The following ZSCAN18 variants were observed in gnomAD, a reference collection of about 807,000 sequenced individuals.
The protein encoded by ZSCAN18 is zinc finger and SCAN domain-containing protein 18.
Under a neutral mutation model 31.1 loss-of-function variants are expected in ZSCAN18, and 16 were observed. The observed-to-expected ratio is 0.51, with a 90% confidence interval of 0.35 to 0.78. The LOEUF (loss-of-function observed/expected upper bound fraction) is 0.78, where lower values mean the gene tolerates loss of function less well. ZSCAN18 is among the 30% of genes least tolerant of loss of function. The pLI is 0.01. For missense variants in ZSCAN18, 731 were observed against 697.4 expected (o/e 1.05, Z -0.54); for synonymous variants, 375 against 320.7 (o/e 1.17, Z -1.81).
chr19:58,107,816 A>T (rs2074647342), intron 1 of ZSCAN18: 2 of 998,388 alleles, frequency 2.0e-6, no homozygotes, highest in Non-Finnish European at 2.4e-6. Context: ...TACTTGGGAA[A>T]ACTTTCCCAC....
chr19:58,118,230 C>A, intron 1 of ZSCAN18: 1 of 1,100,900 alleles, frequency 9.1e-7, no homozygotes, highest in Non-Finnish European at 1.2e-6. Flanking sequence ...ACGCAGCCAC[C>A]GCCCAGCCCC....
At chr19:58,092,761 G>C (rs2074439998) in intron 1 of ZSCAN18, 7 of 954,216 alleles carry the variant, frequency 7.3e-6, no homozygotes, top group Non-Finnish European at 7.5e-6. Flanking sequence ...CCACCACCAC[G>C]ATACCTCTAC....
intron 1 of ZSCAN18, among the ~76,000 whole-genome samples, chr19:58,094,419 A>ATG (rs57642855): frequency 2.0e-5 from 3 of 151,200 alleles, no homozygotes; most frequent in Non-Finnish European, 4.4e-5. Flanking sequence ...TCAAAAAAAA[A>ATG]AAAAAGAAAT....
At chr19:58,098,043 C>T (rs564150042) in intron 1 of ZSCAN18, 131 bp downstream of exon 1, 2 of 985,462 alleles carry the variant, frequency 2.0e-6, no homozygotes, top group South Asian at 4.7e-5. Context: ...GGACGCACAG[C>T]GGGGGCTCGC....
At chr19:58,095,353 G>A (rs1335879292) in intron 1 of ZSCAN18, among the ~76,000 whole-genome samples, 1 of 152,178 alleles carries the variant, frequency 6.6e-6, no homozygotes, top group Admixed American at 6.5e-5. Context: ...ATCCCAGAGG[G>A]GTAGGAACCA....
chr19:58,113,871 G>A (rs778727400), intron 1 of ZSCAN18, among the ~76,000 whole-genome samples: 3 of 152,080 alleles, frequency 2.0e-5, no homozygotes, highest in Admixed American at 6.6e-5. Flanking sequence ...CCAGCTACTC[G>A]GGAGGCTGAG....
At chr19:58,087,465 G>T in intron 3 of ZSCAN18, 61 bp from the exon 4 acceptor site, 1 of 1,486,496 alleles carries the variant, frequency 6.7e-7, no homozygotes. Context: ...TGCCCTCAAG[G>T]GTCAAGGAGC....
chr19:58,091,829 G>A (rs986506054), intron 1 of ZSCAN18, among the ~76,000 whole-genome samples: 1 of 152,148 alleles, frequency 6.6e-6, no homozygotes, highest in Non-Finnish European at 1.5e-5. Context: ...GGAACCGCCT[G>A]GGTCTGAAGG....
intron 6 of ZSCAN18, 162 bp downstream of exon 6, chr19:58,086,012 G>A (rs1277417592): frequency 1.4e-5 from 9 of 635,054 alleles, no homozygotes; most frequent in Non-Finnish European, 2.3e-5. Flanking sequence ...GACCATGGAC[G>A]TAACTGGATT....
At chr19:58,088,020 A>AC (rs1479518156) in intron 3 of ZSCAN18, 1 of 153,398 alleles carries the variant, frequency 6.5e-6, no homozygotes, top group African/African-American at 2.4e-5. Flanking sequence ...CTGGTAATGA[A>AC]CAGCCACAAA....
In ZSCAN18 at chr19:58,085,478, C is replaced by G. The variant is rs563209966; in HGVS notation, c.839-99G>C. The stretch of plus-strand genomic sequence containing the variant: ...GCTGCCGGAACAGCGCACAGGGCTC[C>G]GGGCTCTGGATCCCCGCGGGGCTCA... On this transcript the variant is annotated intron_variant, in intron 6 of 6. Coordinates refer to ENST00000601144, the MANE Select transcript of ZSCAN18 (RefSeq NM_001145543.2). 9 of 1,119,158 alleles carry G rather than the reference C, an allele frequency of 8.0e-6. No individual in the cohort carries two copies. In the Admixed American group the frequency reaches 2.3e-4, roughly 29 times the overall value. 69.3% of individuals were successfully genotyped at this position (1,119,158 alleles called of 1,614,324 possible). A position where few individuals can be genotyped will look rare whatever the true frequency, so the allele number is the denominator to read the frequency against.
Position 58,113,717 on chromosome 19 carries a change from G to A in ZSCAN18, c.130+4550C>T, listed in dbSNP as rs377671581. On this transcript the variant is annotated intron_variant, in intron 1 of 1. Coordinates refer to the ZSCAN18 transcript ENST00000595721. ...ATAATGGCTGGACGCAGTGGCTCAC[G>A]ACTATAATCCCAGGACTTTGGAAGG... Among the ~76,000 whole-genome samples the A allele has an allele frequency of 1.4e-4, 22 of 152,246 alleles. No homozygotes were observed. The East Asian group carries it at 2.7e-3, about 19-fold the overall frequency.
chr19:58,090,115 A>C lies in ZSCAN18; in HGVS notation c.153T>G (p.Arg51=), dbSNP rs771595694. The C allele has an allele frequency of 3.7e-6, 6 of 1,613,658 alleles. No individual in the cohort carries two copies. The highest frequency in any genetic ancestry group is 4.2e-6 in the Non-Finnish European group (5 of 1,179,880). Residue 51 remains arginine, a synonymous_variant, in exon 2 of 7, where the codon CGT becomes CGG. Coordinates refer to ENST00000601144, the MANE Select transcript of ZSCAN18 (RefSeq NM_001145543.2). The surrounding 1 kb of genome is among the most constrained non-coding windows in gnomAD (Gnocchi z 4.7). Reference sequence around the variant, plus strand: ...CCTCCTGGTAGACAAATTCCCGGAAACGCAGGCGGGAGAACTCCAGGTCAG... The same window carrying C: ...CCTCCTGGTAGACAAATTCCCGGAACCGCAGGCGGGAGAACTCCAGGTCAG... ...TPADLEFSRL[R]FREFVYQEAA...
In ZSCAN18 at chr19:58,106,421, G is replaced by GTTTTTTTTGGTTTTTTTTT. The variant is rs368006741; in HGVS notation, c.130+11845_130+11846insAAAAAAAAACCAAAAAAAA. ...TGTCTCAAAAGAAAAAAAGACATCTGGCTGGGCGCGGTGGCTCACGCCTGT... is the reference window on the plus strand; with the variant it reads ...TGTCTCAAAAGAAAAAAAGACATCTGTTTTTTTTGGTTTTTTTTTGCTGGGCGCGGTGGCTCACGCCTGT... On this transcript the variant is annotated intron_variant, in intron 1 of 1. Coordinates refer to the ZSCAN18 transcript ENST00000595721. Among the ~76,000 whole-genome samples, 24 of 60,214 alleles carry GTTTTTTTTGGTTTTTTTTT rather than the reference G, an allele frequency of 4.0e-4. 1 individual carries two copies. The highest frequency in any genetic ancestry group is 5.8e-4 in the East Asian group (2 of 3,446). 39.5% of individuals were successfully genotyped at this position (60,214 alleles called of 152,430 possible). A position where few individuals can be genotyped will look rare whatever the true frequency, so the allele number is the denominator to read the frequency against.
intron 1 of ZSCAN18, among the ~76,000 whole-genome samples, chr19:58,113,592 A>G (rs2074705673): frequency 6.6e-6 from 1 of 152,146 alleles, no homozygotes; most frequent in African/African-American, 2.4e-5. Flanking sequence ...TGCTTGACCC[A>G]GTTTCCAGCT....
At chr19:58,107,788 T>C in intron 1 of ZSCAN18, 1 of 992,534 alleles carries the variant, frequency 1.0e-6, no homozygotes, top group Non-Finnish European at 1.2e-6. Context: ...CAACTCTGGT[T>C]TCTAGCGAGA....
Position 58,086,745 on chromosome 19 carries a change from G to T in ZSCAN18, c.745+161C>A, listed in dbSNP as rs1599952779. ...TCAGATGTTTAGATCAGAAAGGGTG[G>T]GGGCTTCAGCGAATAAATTCAAGCT... is the stretch of plus-strand genomic sequence containing the variant. On this transcript the variant is annotated intron_variant, in intron 5 of 6. Transcript: ENST00000601144. The T allele has an allele frequency of 6.7e-6, 4 of 593,652 alleles. No individual in the cohort carries two copies. The South Asian group carries it at 8.3e-5, about 12-fold the overall frequency. 36.8% of individuals were successfully genotyped at this position (593,652 alleles called of 1,614,324 possible). A position where few individuals can be genotyped will look rare whatever the true frequency, so the allele number is the denominator to read the frequency against.
At chr19:58,086,777 C>T in intron 5 of ZSCAN18, 129 bp downstream of exon 5, 8 of 652,652 alleles carry the variant, frequency 1.2e-5, no homozygotes, top group Admixed American at 2.9e-5. Context: ...AGCTCCAACA[C>T]GTGCAAGTTC....
At chr19:58,097,373 G>C (rs1333155252) in intron 1 of ZSCAN18, among the ~76,000 whole-genome samples, 1 of 151,920 alleles carries the variant, frequency 6.6e-6, no homozygotes, top group African/African-American at 2.4e-5. Context: ...GGAGTGATGG[G>C]AGGGTGAGTC....
Sources: gnomAD v4.1 joint callset for allele counts (sites outside exome capture counted in the v4.1 genomes callset) on GRCh38, gnomAD v4.1.1 for gene constraint, Gnocchi (gnomAD v3.1) non-coding constraint, MANE v1.5 for transcripts, NCBI Gene and HGNC (gene_info 2026-07-23, HGNC 2026-07-21) for gene names.